The following RSRC1 variants were observed in gnomAD, a reference collection of about 807,000 sequenced individuals.
RSRC1 encodes arginine and serine rich coiled-coil 1.
RSRC1 carries 39 observed loss-of-function variants against 49.1 expected under a neutral mutation model. The observed-to-expected ratio is 0.79, with a 90% CI of 0.61 to 1.04. The LOEUF is 1.04. RSRC1 is among the 50% of genes least tolerant of loss of function. The pLI is 0.00. For missense variants in RSRC1, 388 were observed against 402.4 expected (o/e 0.96, Z 0.31); for synonymous variants, 143 against 130.8 (o/e 1.09, Z -0.63).
At chr3:158,340,886 G>A (rs112137167) in intron 5 of RSRC1, among the ~76,000 whole-genome samples, 1,690 of 152,266 alleles carry the variant, frequency 0.011, 32 homozygotes, top group African/African-American at 0.038. Context: ...ATAGCGATAC[G>A]GACAATACAA....
intron 3 of RSRC1, among the ~76,000 whole-genome samples, chr3:158,180,419 C>CGT (rs374155981): frequency 0.034 from 1,384 of 40,758 alleles, 75 homozygotes; most frequent in African/African-American, 0.12. Flanking sequence ...TTTTTTTTGC[C>CGT]GTGTGTGTGT....
intron 3 of RSRC1, among the ~76,000 whole-genome samples, chr3:158,198,165 C>G (rs1016274467): frequency 4.6e-5 from 7 of 152,078 alleles, no homozygotes; most frequent in Admixed American, 2.6e-4. Context: ...CTTTATGAAT[C>G]TGGGTGCTCC....
chr3:158,518,095 C>T (rs1348006418), intron 7 of RSRC1, among the ~76,000 whole-genome samples: 5 of 77,398 alleles, frequency 6.5e-5, no homozygotes, highest in South Asian at 4.3e-4. Context: ...TAAGTGCGTG[C>T]GTGTGTGTGT....
At chr3:158,141,371 A>T (rs1185194534) in intron 3 of RSRC1, among the ~76,000 whole-genome samples, 1 of 152,156 alleles carries the variant, frequency 6.6e-6, no homozygotes, top group African/African-American at 2.4e-5. Flanking sequence ...TTTACGTAAA[A>T]TTTCATATAT....
chr3:158,419,400 A>C (rs1227816263), intron 6 of RSRC1, among the ~76,000 whole-genome samples: 1 of 151,960 alleles, frequency 6.6e-6, no homozygotes, highest in Non-Finnish European at 1.5e-5. Context: ...GGGATAACTG[A>C]AGCAAATAAT....
At chr3:158,360,069 C>G (rs1027452469) in intron 6 of RSRC1, among the ~76,000 whole-genome samples, 3 of 152,062 alleles carry the variant, frequency 2.0e-5, no homozygotes, top group Non-Finnish European at 4.4e-5. Flanking sequence ...GTCTGCAGCT[C>G]TCTGCAGAGA....
intron 4 of RSRC1, among the ~76,000 whole-genome samples, chr3:158,266,744 CT>C (rs1172951924): frequency 2.0e-5 from 3 of 151,842 alleles, no homozygotes; most frequent in Non-Finnish European, 2.9e-5. Context: ...ATTTCACCTT[CT>C]TTTTTTTCCC....
At chr3:158,414,773 A>C (rs1379527004) in intron 6 of RSRC1, among the ~76,000 whole-genome samples, 1 of 152,090 alleles carries the variant, frequency 6.6e-6, no homozygotes, top group Non-Finnish European at 1.5e-5. Context: ...TGGAAGGTTA[A>C]TTATATAGAA....
chr3:158,449,911 T>C (rs1736926497), intron 6 of RSRC1, among the ~76,000 whole-genome samples: 1 of 151,960 alleles, frequency 6.6e-6, no homozygotes, highest in Middle Eastern at 3.2e-3. Flanking sequence ...TACTACTGCT[T>C]ATTCTAAGGC....
chr3:158,437,239 T>C (rs573785818), intron 6 of RSRC1, among the ~76,000 whole-genome samples: 1 of 152,224 alleles, frequency 6.6e-6, no homozygotes, highest in South Asian at 2.1e-4. Flanking sequence ...TTTGCTATTT[T>C]GATGGAATAA....
At chr3:158,181,457 T>C (rs888520146) in intron 3 of RSRC1, among the ~76,000 whole-genome samples, 9 of 152,212 alleles carry the variant, frequency 5.9e-5, no homozygotes, top group Non-Finnish European at 8.8e-5. Flanking sequence ...TATGACCCTT[T>C]GTGGACTAGA....
intron 7 of RSRC1, among the ~76,000 whole-genome samples, chr3:158,461,249 G>C (rs747527807): frequency 6.6e-6 from 1 of 151,822 alleles, no homozygotes; most frequent in African/African-American, 2.4e-5. Flanking sequence ...TAGTAGTGCT[G>C]ATGTTGGTTT....
chr3:158,391,683 G>A (rs1237614035), intron 6 of RSRC1, among the ~76,000 whole-genome samples: 1 of 152,112 alleles, frequency 6.6e-6, no homozygotes, highest in African/African-American at 2.4e-5. Flanking sequence ...GAGGGTGGTA[G>A]ATGTCAGGGA....
At chr3:158,499,811 C>T (rs1378140403) in intron 7 of RSRC1, among the ~76,000 whole-genome samples, 6 of 152,128 alleles carry the variant, frequency 3.9e-5, no homozygotes, top group South Asian at 2.1e-4. Context: ...CGTCAGCAAA[C>T]GGTGACAGTT....
At chr3:158,458,218 A>G (rs1369416943) in intron 6 of RSRC1, among the ~76,000 whole-genome samples, 1 of 152,146 alleles carries the variant, frequency 6.6e-6, no homozygotes, top group Non-Finnish European at 1.5e-5. Context: ...AAGGAGGAGC[A>G]ATATAAAAAC....
chr3:158,440,489 C>T (rs936196414), intron 6 of RSRC1, among the ~76,000 whole-genome samples: 3 of 151,948 alleles, frequency 2.0e-5, no homozygotes, highest in South Asian at 2.1e-4. Context: ...CTTTCCCAAA[C>T]GAACCAAAAT....
chr3:158,511,147 G>A (rs993227881), intron 7 of RSRC1, among the ~76,000 whole-genome samples: 3 of 151,608 alleles, frequency 2.0e-5, no homozygotes, highest in African/African-American at 4.9e-5. Flanking sequence ...GGGTACATGT[G>A]CACAATGTGC....
chr3:158,261,591 G>A (rs1321697839), intron 4 of RSRC1, among the ~76,000 whole-genome samples: 1 of 152,218 alleles, frequency 6.6e-6, no homozygotes, highest in African/African-American at 2.4e-5. Context: ...TTGTGGAGTA[G>A]CAAGCGAAGC....
chr3:158,113,530 A>G lies in RSRC1; in HGVS notation c.-3+3307A>G, dbSNP rs189257725. On this transcript the variant is annotated intron_variant, in intron 1 of 9. Transcript: ENST00000611884. ...ATTACAGGCACGCTTCACCACGCCC[A>G]GCTAATTTTTGTATTTTTAATAGAA... Among the ~76,000 whole-genome samples the G allele has an allele frequency of 4.9e-3, 740 of 151,892 alleles. 1 individual carries two copies. The highest frequency in any genetic ancestry group is 0.017 in the African/African-American group (698 of 41,402).
Sources: allele counts gnomAD v4.1 joint callset (sites outside exome capture counted in the v4.1 genomes callset), GRCh38; gene constraint gnomAD v4.1.1; transcripts MANE v1.5; gene names NCBI Gene and HGNC (gene_info 2026-07-23, HGNC 2026-07-21).